The following RSPH14 variants were observed in gnomAD, a reference collection of about 807,000 sequenced individuals.
RSPH14 encodes rhabdoid tumor deletion region gene 1.
RSPH14 carries 20 observed loss-of-function variants against 26.7 expected under a neutral mutation model. The observed-to-expected ratio is 0.75, with a 90% confidence interval of 0.53 to 1.09. The LOEUF (loss-of-function observed/expected upper bound fraction) is 1.09, where lower values mean the gene tolerates loss of function less well. Among genes scored for constraint, RSPH14 ranks in the 50% least tolerant of loss-of-function variants. The pLI, the probability that RSPH14 is intolerant of heterozygous loss-of-function variation, is 0.00. For synonymous variants in RSPH14, 177 were observed against 189.3 expected, an observed-to-expected ratio of 0.93 and a Z score of 0.53; for missense variants, 449 against 457.2, an observed-to-expected ratio of 0.98 and a Z score of 0.16.
At chr22:23,151,998 G>A in the RSPH14 span, among the ~76,000 whole-genome samples, 5 of 152,220 alleles carry the variant, frequency 3.3e-5, no homozygotes, top group Non-Finnish European at 7.3e-5. Flanking sequence ...CCACATCGGC[G>A]CACAGCCCCG....
upstream of RSPH14, chr22:23,142,155 C>G: frequency 2.5e-6 from 1 of 392,488 alleles, no homozygotes; most frequent in Non-Finnish European, 3.5e-6. Context: ...CTGTGGAGAC[C>G]AAAGGCAGCT....
chr22:23,133,938 TC>T, intron 4 of RSPH14, 87 bp downstream of exon 4: 1 of 878,406 alleles, frequency 1.1e-6, no homozygotes, highest in East Asian at 2.6e-5. Context: ...AAGTGGACGA[TC>T]TACACCCTGG....
At chr22:23,134,242 A>G (rs2070419699) in intron 3 of RSPH14, 98 bp from the exon 4 acceptor site, 2 of 858,228 alleles carry the variant, frequency 2.3e-6, no homozygotes, top group Non-Finnish European at 3.7e-6. Context: ...GATCCATGCT[A>G]TCTGGGGTAG....
At chr22:23,169,492 C>T in the RSPH14 span, among the ~76,000 whole-genome samples, 1 of 152,208 alleles carries the variant, frequency 6.6e-6, no homozygotes, top group Non-Finnish European at 1.5e-5. Context: ...TTAATTCGGG[C>T]TCAGGCAGAT....
chr22:23,159,492 T>C, the RSPH14 span, among the ~76,000 whole-genome samples: 6 of 152,158 alleles, frequency 3.9e-5, no homozygotes, highest in East Asian at 1.9e-4. Context: ...GGGGGAATAG[T>C]GACCCCAACC....
chr22:23,143,327 A>ATAAG (rs2070631928), upstream of RSPH14, among the ~76,000 whole-genome samples: 1 of 142,646 alleles, frequency 7.0e-6, no homozygotes, highest in Non-Finnish European at 1.5e-5. Flanking sequence ...AAATAAATAA[A>ATAAG]TAAATAGATA....
chr22:23,177,061 T>C, the RSPH14 span, among the ~76,000 whole-genome samples: 6 of 152,216 alleles, frequency 3.9e-5, no homozygotes, highest in Non-Finnish European at 7.3e-5. Context: ...TCCTTGCATT[T>C]AGAATAAAAC....
At chr22:23,145,317 GTC>G, upstream of RSPH14, 1 of 1,570,954 alleles carries the variant, frequency 6.4e-7, no homozygotes, top group Admixed American at 1.7e-5. Flanking sequence ...GTGTCCAGGA[GTC>G]TCTCTGCTGC....
At chr22:23,128,700 G>T (rs888544498) in intron 4 of RSPH14, among the ~76,000 whole-genome samples, 1 of 152,228 alleles carries the variant, frequency 6.6e-6, no homozygotes, top group Non-Finnish European at 1.5e-5. Context: ...CACAGGGGAA[G>T]AAACTGAGGC....
the RSPH14 span, chr22:23,158,771 C>A: frequency 2.5e-6 from 2 of 804,482 alleles, no homozygotes; most frequent in South Asian, 1.5e-5. Context: ...CCAGTGTGGG[C>A]CAGGAAGCCC....
the RSPH14 span, chr22:23,152,464 C>T: frequency 1.9e-4 from 308 of 1,614,182 alleles, no homozygotes; most frequent in Admixed American, 3.3e-4. Context: ...CTCACAGGCT[C>T]AAACTCTCCA....
chr22:23,097,550 G>C (rs2069163004), intron 4 of RSPH14, among the ~76,000 whole-genome samples: 1 of 152,250 alleles, frequency 6.6e-6, no homozygotes, highest in Non-Finnish European at 1.5e-5. Flanking sequence ...TTGATGGTGT[G>C]CCTGGGGGAA....
intron 4 of RSPH14, among the ~76,000 whole-genome samples, chr22:23,095,011 C>T (rs2069082688): frequency 6.6e-6 from 1 of 152,230 alleles, no homozygotes; most frequent in South Asian, 2.1e-4. Context: ...ACACACCCTC[C>T]TCTCCCTCAT....
intron 4 of RSPH14, among the ~76,000 whole-genome samples, chr22:23,079,488 A>G (rs2068612425): frequency 6.6e-6 from 1 of 152,182 alleles, no homozygotes; most frequent in Non-Finnish European, 1.5e-5. Flanking sequence ...CGTGGGAGTC[A>G]GAGAGGCCAG....
chr22:23,121,639 G>A (rs1047113479), intron 4 of RSPH14, among the ~76,000 whole-genome samples: 6 of 152,026 alleles, frequency 3.9e-5, no homozygotes, highest in Non-Finnish European at 4.4e-5. Context: ...CTGTTGCTTC[G>A]TGCCTGAGTC....
At chr22:23,086,220 G>A (rs1254124342) in intron 4 of RSPH14, among the ~76,000 whole-genome samples, 1 of 152,230 alleles carries the variant, frequency 6.6e-6, no homozygotes, top group African/African-American at 2.4e-5. Flanking sequence ...GCCAGGTTAG[G>A]CAGGCTGCAG....
Position 23,137,083 on chromosome 22 carries a change from G to A in RSPH14, c.302+1757C>T, listed in dbSNP as rs1167821357. Among the ~76,000 whole-genome samples, 2 of 138,864 alleles carry A rather than the reference G, an allele frequency of 1.4e-5. 1 individual carries two copies. The highest frequency in any genetic ancestry group is 5.1e-5 in the African/African-American group (2 of 39,058). 91.1% of individuals were successfully genotyped at this position (138,864 alleles called of 152,430 possible). ...ACACATGCACGGTTCACACAGGGCC[G>A]GGGCTGCACACAGGATCAGCCACCA... On this transcript the variant is annotated intron_variant, in intron 3 of 6. Transcript: ENST00000216036.
At position 23,063,913 on chromosome 22, in the gene RSPH14, G is replaced by C. The variant is rs768834653; in HGVS notation, c.642C>G (p.Leu214=). Residue 214 remains leucine (L), a synonymous_variant, in exon 5 of 7, where the codon CTC becomes CTG. Coordinates refer to ENST00000216036, the MANE Select transcript of RSPH14 (RefSeq NM_014433.3). ...AGGCCAGGCCTCACCTGACATTAAG[G>C]AGCGCACGGGCGGCCTTGCTGCGGA... ...QNIRSKAARA[L]LNVSISREGK... 1 of 1,614,110 alleles carries C rather than the reference G, an allele frequency of 6.2e-7. No individual in the cohort carries two copies. The highest frequency in any genetic ancestry group is 1.7e-5 in the Admixed American group (1 of 60,020).
At chr22:23,097,662 G>T (rs2069166673) in intron 4 of RSPH14, among the ~76,000 whole-genome samples, 1 of 152,280 alleles carries the variant, frequency 6.6e-6, no homozygotes, top group Non-Finnish European at 1.5e-5. Flanking sequence ...CCCTTACCCT[G>T]TGGTTGCCAC....
Sources: gnomAD v4.1 joint callset for allele counts (sites outside exome capture counted in the v4.1 genomes callset) on GRCh38, gnomAD v4.1.1 for gene constraint, MANE v1.5 for transcripts, NCBI Gene and HGNC (gene_info 2026-07-23, HGNC 2026-07-21) for gene names.